MCF2: variants seen among roughly 807,000 people sequenced by gnomAD.
The protein encoded by MCF2 is MCF.2 cell line derived transforming sequence, also known as proto-oncogene DBL.
MCF2 carries 44 observed loss-of-function variants against 82.5 expected under a neutral mutation model. The ratio of observed to expected loss-of-function variants is 0.53; its 90% CI spans 0.42 to 0.69. The LOEUF is 0.69. MCF2 is among the 30% of genes least tolerant of loss of function. The pLI, the probability that MCF2 is intolerant of heterozygous loss-of-function variation, is 0.00. For synonymous variants in MCF2, 217 were observed against 224.9 expected, an observed-to-expected ratio of 0.96 and a Z score of 0.32; for missense variants, 623 against 663.1, an observed-to-expected ratio of 0.94 and a Z score of 0.66.
At chrX:139,663,572 CT>C (rs1934416126) in intron 1 of MCF2, among the ~76,000 whole-genome samples, 1 of 102,622 alleles carries the variant, frequency 9.7e-6, no homozygotes, top group Non-Finnish European at 2.0e-5. Context: ...CAATAGTTTG[CT>C]TTGTTTTTTT....
At chrX:139,594,167 T>C (rs1179759359) in intron 19 of MCF2, among the ~76,000 whole-genome samples, 2 of 109,438 alleles carry the variant, frequency 1.8e-5, no homozygotes, top group Admixed American at 2.0e-4. Context: ...AATTTATAGA[T>C]TCAATGCCAT....
At chrX:139,662,898 A>G (rs1934394930) in intron 1 of MCF2, among the ~76,000 whole-genome samples, 1 of 111,657 alleles carries the variant, frequency 9.0e-6, no homozygotes, top group Non-Finnish European at 1.9e-5. Context: ...AACATGCAAT[A>G]TTTACCTTTA....
intron 6 of MCF2, among the ~76,000 whole-genome samples, chrX:139,624,444 G>T (rs776083787): frequency 5.6e-4 from 61 of 109,249 alleles, no homozygotes; most frequent in Non-Finnish European, 9.0e-4. Context: ...GGAGGCTGAG[G>T]GGGGAGGATG....
intron 6 of MCF2, among the ~76,000 whole-genome samples, chrX:139,622,283 G>A (rs1374216001): frequency 1.8e-5 from 2 of 111,647 alleles, no homozygotes; most frequent in East Asian, 2.8e-4. Context: ...TTATTGGTGG[G>A]ACTGTAAACT....
intron 1 of MCF2, among the ~76,000 whole-genome samples, chrX:139,707,651 C>T (rs758525347): frequency 1.8e-5 from 2 of 111,729 alleles, no homozygotes; most frequent in Non-Finnish European, 3.8e-5. Context: ...AAGTCCTAAT[C>T]CCTAGACGGC....
At chrX:139,701,390 T>C (rs1243861814) in intron 1 of MCF2, among the ~76,000 whole-genome samples, 1 of 112,214 alleles carries the variant, frequency 8.9e-6, no homozygotes, top group Non-Finnish European at 1.9e-5. Flanking sequence ...GTAGATATGA[T>C]TAACTTCTAC....
At chrX:139,641,495 CAAT>C (rs1933565099) in intron 1 of MCF2, among the ~76,000 whole-genome samples, 1 of 111,020 alleles carries the variant, frequency 9.0e-6, no homozygotes, top group Admixed American at 9.6e-5. Flanking sequence ...TGTCATTCAA[CAAT>C]AATAAAAGTC....
At chrX:139,595,329 A>G (rs778054746) in intron 19 of MCF2, among the ~76,000 whole-genome samples, 44 of 110,260 alleles carry the variant, frequency 4.0e-4, no homozygotes, top group East Asian at 3.4e-3. Flanking sequence ...AATCAACCCA[A>G]ATGTCCAACA....
chrX:139,704,063 C>T (rs952085317), intron 1 of MCF2, among the ~76,000 whole-genome samples: 9 of 110,415 alleles, frequency 8.2e-5, no homozygotes, highest in Non-Finnish European at 3.8e-5. Context: ...ATGATAAAAC[C>T]CCTCAACAGA....
intron 1 of MCF2, among the ~76,000 whole-genome samples, chrX:139,687,145 C>T (rs958029769): frequency 8.9e-6 from 1 of 111,784 alleles, no homozygotes. Flanking sequence ...TGTCAGCATG[C>T]TCTTGTCTCA....
intron 1 of MCF2, among the ~76,000 whole-genome samples, chrX:139,665,175 C>A (rs1426193523): frequency 9.0e-6 from 1 of 111,516 alleles, no homozygotes; most frequent in Non-Finnish European, 1.9e-5. Flanking sequence ...CCCTTAGCTT[C>A]CCTGGCTGGT....
chrX:139,597,528 C>T (rs749558275), exon 18 of MCF2: 27 of 1,188,363 alleles, frequency 2.3e-5, no homozygotes, highest in Admixed American at 1.3e-4. Context: ...AGCATTGCAT[C>T]GAGTGCCTTC....
At chrX:139,694,215 CTT>C (rs1935335450) in intron 1 of MCF2, among the ~76,000 whole-genome samples, 1 of 110,478 alleles carries the variant, frequency 9.1e-6, no homozygotes, top group Non-Finnish European at 1.9e-5. Flanking sequence ...CTATTAGAAA[CTT>C]AACAATATAA....
At chrX:139,685,252 C>T (rs1935093388) in intron 1 of MCF2, among the ~76,000 whole-genome samples, 1 of 110,393 alleles carries the variant, frequency 9.1e-6, no homozygotes, top group African/African-American at 3.3e-5. Context: ...AGGGAGGAGA[C>T]CACCCCTCAT....
intron 1 of MCF2, chrX:139,692,109 G>A: frequency 8.6e-7 from 1 of 1,161,272 alleles, no homozygotes; most frequent in Non-Finnish European, 1.2e-6. Context: ...CGGCGCCGAA[G>A]CGGCAGCTTG....
At chrX:139,696,278 C>T (rs1444923336) in intron 1 of MCF2, among the ~76,000 whole-genome samples, 1 of 102,595 alleles carries the variant, frequency 9.7e-6, no homozygotes, top group East Asian at 3.1e-4. Context: ...CCCTCCCTCC[C>T]TCCCTTCCTT....
intron 1 of MCF2, among the ~76,000 whole-genome samples, chrX:139,694,878 T>G (rs778016953): frequency 2.2e-3 from 242 of 109,847 alleles, no homozygotes; most frequent in Non-Finnish European, 3.1e-3. Context: ...GCATATCAGT[T>G]ATCAAAAATG....
chrX:139,665,903 A>G (rs1199561579), intron 1 of MCF2, among the ~76,000 whole-genome samples: 1,841 of 80,146 alleles, frequency 0.023, 57 homozygotes, highest in African/African-American at 0.11. Context: ...GTGTGTATAT[A>G]TATATATATA....
intron 1 of MCF2, among the ~76,000 whole-genome samples, chrX:139,662,181 A>T (rs1934374067): frequency 1.8e-5 from 2 of 111,788 alleles, no homozygotes; most frequent in Non-Finnish European, 3.8e-5. Context: ...ATACTCTTAA[A>T]ACTATAAAAT....
Sources: allele counts gnomAD v4.1 joint callset (sites outside exome capture counted in the v4.1 genomes callset), GRCh38; gene constraint gnomAD v4.1.1; transcripts MANE v1.5; gene names NCBI Gene and HGNC (gene_info 2026-07-23, HGNC 2026-07-21).